Variants in SLC30A7 observed in about 807,000 individuals in gnomAD.
SLC30A7 encodes the protein zinc transporter 7.
A neutral mutation model predicts 46.0 loss-of-function variants in SLC30A7; 35 were observed. The observed-to-expected ratio is 0.76, with a 90% CI of 0.58 to 1.01. SLC30A7 has a LOEUF of 1.01. Among genes scored for constraint, SLC30A7 ranks in the 50% least tolerant of loss-of-function variants. SLC30A7 has a pLI of 0.00. For synonymous variants in SLC30A7, 147 were observed against 157.8 expected, an observed-to-expected ratio of 0.93 and a Z score of 0.51; for missense variants, 464 against 451.1, an observed-to-expected ratio of 1.03 and a Z score of -0.26.
At chr1:100,959,766 T>G (rs1655434109) in intron 8 of SLC30A7, among the ~76,000 whole-genome samples, 1 of 152,162 alleles carries the variant, frequency 6.6e-6, no homozygotes, top group Non-Finnish European at 1.5e-5. Context: ...TAGCAGCAAG[T>G]CACTAAGTCC....
chr1:100,916,503 T>C (rs888155965), intron 6 of SLC30A7, among the ~76,000 whole-genome samples: 3 of 152,098 alleles, frequency 2.0e-5, no homozygotes, highest in Admixed American at 2.0e-4. Context: ...TATATTGTTA[T>C]GGGGTACATG....
Position 100,980,490 on chromosome 1 carries a change from C to G in SLC30A7, c.*5633C>G, listed in dbSNP as rs1656861715. The G allele has an allele frequency of 6.6e-6, 1 of 152,058 alleles. No individual in the cohort carries two copies. The highest frequency in any genetic ancestry group is 6.6e-5 in the Admixed American group (1 of 15,254). The allele number at this position is 152,058 out of a possible 1,614,324, so 9.4% of individuals were successfully genotyped here. A position where few individuals can be genotyped will look rare whatever the true frequency, so the allele number is the denominator to read the frequency against. On this transcript the variant is annotated 3_prime_UTR_variant, in exon 11 of 11. Transcript: ENST00000357650. The stretch of plus-strand genomic sequence containing the variant: ...TGCATCCTTTTATCCTCAAACTTAG[C>G]ATGGATTCACATGCTGAGTAAATGT...
the SLC30A7 span, among the ~76,000 whole-genome samples, chr1:100,991,260 T>G: frequency 2.6e-5 from 4 of 152,222 alleles, no homozygotes; most frequent in Non-Finnish European, 5.9e-5. Context: ...AGCTTTAGTA[T>G]TATTCACTCT....
chr1:100,938,203 T>C (rs1654087400), intron 8 of SLC30A7, among the ~76,000 whole-genome samples: 2 of 152,226 alleles, frequency 1.3e-5, no homozygotes, highest in South Asian at 2.1e-4. Flanking sequence ...GTTTTGACTA[T>C]TATGGGTTTC....
chr1:100,937,105 T>C (rs975724697), intron 8 of SLC30A7, among the ~76,000 whole-genome samples: 8 of 152,314 alleles, frequency 5.3e-5, no homozygotes, highest in Non-Finnish European at 1.2e-4. Flanking sequence ...GTTCTTATTA[T>C]TTATTTACCT....
At chr1:100,926,989 C>T (rs1019514880) in intron 8 of SLC30A7, among the ~76,000 whole-genome samples, 5 of 152,114 alleles carry the variant, frequency 3.3e-5, no homozygotes, top group Admixed American at 6.5e-5. Context: ...AAGAATATCC[C>T]TGGTGAGGGA....
Position 100,913,699 on chromosome 1 carries a change from T to C in SLC30A7, c.548T>C (p.Leu183Pro). The change falls in exon 6 of 11, where the codon CTA becomes CCA. Residue 183 changes from leucine to proline, a missense_variant. Coordinates refer to ENST00000357650, the MANE Select transcript of SLC30A7 (RefSeq NM_133496.5). Reference sequence around the variant, plus strand: ...AGTCATTCCCTCTTTAATGGTGCTCTAGATCAGGCACATGGCCATGTCGAT... The same window carrying C: ...AGTCATTCCCTCTTTAATGGTGCTCCAGATCAGGCACATGGCCATGTCGAT... ...GHSHSLFNGA[L>P]DQAHGHVDHC... is the part of the protein sequence containing the mutation. 1 of 1,613,954 alleles carries C rather than the reference T, an allele frequency of 6.2e-7. No individual in the cohort carries two copies.
At chr1:100,900,048 T>C (rs987639760) in intron 2 of SLC30A7, among the ~76,000 whole-genome samples, 1 of 152,088 alleles carries the variant, frequency 6.6e-6, no homozygotes, top group Admixed American at 6.5e-5. Flanking sequence ...CCTGTCATCT[T>C]CTATAGTTGG....
chr1:100,924,053 C>T (rs368545584), intron 8 of SLC30A7, among the ~76,000 whole-genome samples: 15 of 152,268 alleles, frequency 9.9e-5, no homozygotes, highest in African/African-American at 2.9e-4. Context: ...TATGTCTTAC[C>T]TGGAAAACTG....
Position 100,913,713 on chromosome 1 carries a change from G to A in SLC30A7, c.562G>A (p.Gly188Ser). ...TAATGGTGCTCTAGATCAGGCACATGGCCATGTCGATCATTGCCATAGCCA... is the reference window on the plus strand; with the variant it reads ...TAATGGTGCTCTAGATCAGGCACATAGCCATGTCGATCATTGCCATAGCCA... ...LFNGALDQAH[G>S]HVDHCHSHEV... The change falls in exon 6 of 11, where the codon GGC becomes AGC. Residue 188 changes from glycine (G) to serine (S), a missense_variant. Transcript: ENST00000357650. 3 of 1,613,888 alleles carry A rather than the reference G, an allele frequency of 1.9e-6. No individual in the cohort carries two copies. The South Asian group carries it at 3.3e-5, about 18-fold the overall frequency.
rs1656415495 is a variant in SLC30A7, at chr1:100,975,524, T to C, written c.*667T>C. The C allele has an allele frequency of 6.6e-6, 1 of 152,626 alleles. No individual in the cohort carries two copies. The highest frequency in any genetic ancestry group is 2.4e-5 in the African/African-American group (1 of 41,440). The allele number at this position is 152,626 out of a possible 1,614,324, so 9.5% of individuals were successfully genotyped here. A position where few individuals can be genotyped will look rare whatever the true frequency, so the allele number is the denominator to read the frequency against. On this transcript the variant is annotated 3_prime_UTR_variant, in exon 11 of 11. Transcript: ENST00000357650. ...CATCAAGAGTCATGTATGTTTTATT[T>C]TTGTTTTTATTTTTTATTTTTTGAG...
chr1:100,984,661 C>T (rs78695142), downstream of SLC30A7, among the ~76,000 whole-genome samples: 12 of 152,284 alleles, frequency 7.9e-5, no homozygotes, highest in African/African-American at 2.9e-4. Flanking sequence ...AGGTTGGTTG[C>T]CTGCTCAAAC....
rs181296248 is a variant in SLC30A7, at chr1:100,968,972, G to A, written c.1083+3054G>A. 4.6e-5 allele frequency among the ~76,000 whole-genome samples: 7 copies of A among 152,284 alleles called. No homozygotes were observed. In the East Asian group the frequency reaches 1.3e-3, roughly 29 times the overall value. ...ACCACAAGCTCAAAAAGATCTTAATGAGATCTAAAATCTGTCTTTCTGATA... is the reference window on the plus strand; with the variant it reads ...ACCACAAGCTCAAAAAGATCTTAATAAGATCTAAAATCTGTCTTTCTGATA... On this transcript the variant is annotated intron_variant, in intron 10 of 10. Coordinates refer to ENST00000357650, the MANE Select transcript of SLC30A7 (RefSeq NM_133496.5).
chr1:100,961,961 T>C, intron 9 of SLC30A7, 43 bp downstream of exon 9: 5 of 1,251,900 alleles, frequency 4.0e-6, no homozygotes, highest in Non-Finnish European at 4.5e-6. Context: ...TATGCTGTTT[T>C]CAATCTCTTG....
the SLC30A7 span, among the ~76,000 whole-genome samples, chr1:100,993,221 G>C: frequency 6.6e-6 from 1 of 151,992 alleles, no homozygotes; most frequent in Admixed American, 6.6e-5. Flanking sequence ...TGCCTCAAAA[G>C]CCTATCAGGC....
intron 8 of SLC30A7, among the ~76,000 whole-genome samples, chr1:100,955,810 A>T (rs186163397): frequency 6.6e-6 from 1 of 152,128 alleles, no homozygotes; most frequent in Non-Finnish European, 1.5e-5. Context: ...GACTCTTTAA[A>T]TTATTATAGA....
chr1:100,933,856 C>A (rs963765983), intron 8 of SLC30A7, among the ~76,000 whole-genome samples: 15 of 152,202 alleles, frequency 9.9e-5, no homozygotes, highest in Admixed American at 7.2e-4. Flanking sequence ...TTGCTGGAGG[C>A]ATGTCCTAAC....
intron 2 of SLC30A7, among the ~76,000 whole-genome samples, chr1:100,901,565 C>A (rs931008032): frequency 7.2e-5 from 11 of 152,138 alleles, no homozygotes; most frequent in Admixed American, 6.5e-4. Context: ...AGCAATCCTC[C>A]TGCCTCAGCC....
intron 10 of SLC30A7, among the ~76,000 whole-genome samples, chr1:100,971,259 A>AG (rs1444441121): frequency 3.9e-5 from 6 of 152,016 alleles, no homozygotes; most frequent in African/African-American, 7.2e-5. Context: ...TTCTTGAGGG[A>AG]GGGGGTACAG....
Sources: allele counts gnomAD v4.1 joint callset (sites outside exome capture counted in the v4.1 genomes callset), GRCh38; gene constraint gnomAD v4.1.1; transcripts MANE v1.5; gene names NCBI Gene and HGNC (gene_info 2026-07-23, HGNC 2026-07-21).